Variants in DPP10 observed in about 807,000 individuals in gnomAD.
The protein encoded by DPP10 is inactive dipeptidyl peptidase 10.
Under a neutral mutation model 120.9 loss-of-function variants are expected in DPP10, and 33 were observed. The observed-to-expected ratio is 0.27, with a 90% CI of 0.21 to 0.37. DPP10 has a LOEUF of 0.37. DPP10 is among the 10% of genes least tolerant of loss of function. DPP10 has a pLI of 1.00. For missense variants in DPP10, 816 were observed against 942.8 expected (o/e 0.87, Z 1.76); for synonymous variants, 337 against 326.1 (o/e 1.03, Z -0.36).
chr2:114,819,561 G>T (rs747227354), intron 1 of DPP10, among the ~76,000 whole-genome samples: 19 of 152,126 alleles, frequency 1.2e-4, no homozygotes, highest in Non-Finnish European at 2.2e-4. Flanking sequence ...TTAGTTTTTG[G>T]CTCTTTAATT....
intron 1 of DPP10, among the ~76,000 whole-genome samples, chr2:114,564,786 G>A (rs1228964891): frequency 1.3e-5 from 2 of 152,154 alleles, no homozygotes; most frequent in Non-Finnish European, 2.9e-5. Context: ...TCTCAGGAAC[G>A]ATTTCTGTTC....
At chr2:115,694,532 A>C (rs2091480524) in intron 7 of DPP10, among the ~76,000 whole-genome samples, 1 of 152,188 alleles carries the variant, frequency 6.6e-6, no homozygotes, top group Non-Finnish European at 1.5e-5. Flanking sequence ...AACCTGAAGC[A>C]ATAAAGAGTG....
intron 1 of DPP10, among the ~76,000 whole-genome samples, chr2:115,114,475 A>T (rs149003390): frequency 6.6e-6 from 1 of 152,304 alleles, no homozygotes; most frequent in Non-Finnish European, 1.5e-5. Context: ...ATTAATGAAG[A>T]AAAAATTCTC....
intron 1 of DPP10, among the ~76,000 whole-genome samples, chr2:115,179,787 A>G (rs1298396447): frequency 6.6e-6 from 1 of 152,184 alleles, no homozygotes; most frequent in Non-Finnish European, 1.5e-5. Context: ...TAGTAATGGA[A>G]TTTAACAAAC....
At chr2:115,251,830 T>C (rs901338138) in intron 1 of DPP10, among the ~76,000 whole-genome samples, 1 of 152,208 alleles carries the variant, frequency 6.6e-6, no homozygotes, top group Non-Finnish European at 1.5e-5. Flanking sequence ...TGTATATTTA[T>C]AAAATATTCT....
intron 1 of DPP10, among the ~76,000 whole-genome samples, chr2:114,887,800 T>C (rs565279326): frequency 2.0e-5 from 3 of 152,312 alleles, no homozygotes; most frequent in Admixed American, 1.3e-4. Flanking sequence ...GGCCTGATCT[T>C]ACATTTGTCA....
At chr2:115,251,529 C>G (rs1171738959) in intron 1 of DPP10, among the ~76,000 whole-genome samples, 1 of 151,996 alleles carries the variant, frequency 6.6e-6, no homozygotes, top group Non-Finnish European at 1.5e-5. Context: ...CAACCCCTGT[C>G]TATAGGACCT....
chr2:115,527,248 A>G (rs968750942), intron 5 of DPP10, among the ~76,000 whole-genome samples: 1 of 152,086 alleles, frequency 6.6e-6, no homozygotes, highest in African/African-American at 2.4e-5. Context: ...ATTGTTGGCA[A>G]AGGTGCACAA....
chr2:114,479,420 A>AC (rs1553447860), intron 1 of DPP10, among the ~76,000 whole-genome samples: 2 of 151,970 alleles, frequency 1.3e-5, no homozygotes, highest in African/African-American at 4.8e-5. Flanking sequence ...TGAAAAAAAA[A>AC]CAGAACTATT....
At chr2:115,703,633 A>G (rs1459796281) in intron 7 of DPP10, among the ~76,000 whole-genome samples, 1 of 152,038 alleles carries the variant, frequency 6.6e-6, no homozygotes, top group Non-Finnish European at 1.5e-5. Context: ...TAAGGCCTTC[A>G]GCTGATTGGC....
At chr2:115,600,580 T>C (rs760147095) in intron 5 of DPP10, among the ~76,000 whole-genome samples, 2 of 152,246 alleles carry the variant, frequency 1.3e-5, no homozygotes, top group African/African-American at 2.4e-5. Context: ...AAAAGATTTC[T>C]GTTTGATTGC....
chr2:115,280,528 A>C (rs1409166929), intron 1 of DPP10, among the ~76,000 whole-genome samples: 2 of 152,216 alleles, frequency 1.3e-5, no homozygotes, highest in Admixed American at 1.3e-4. Context: ...CATGTTAAGC[A>C]GATAGATACT....
At chr2:115,609,596 A>G (rs1221405273) in intron 5 of DPP10, among the ~76,000 whole-genome samples, 1 of 152,074 alleles carries the variant, frequency 6.6e-6, no homozygotes, top group Non-Finnish European at 1.5e-5. Context: ...CCCCCACCAA[A>G]AACAAAAAAA....
chr2:115,372,196 A>T (rs996709337), intron 3 of DPP10, among the ~76,000 whole-genome samples: 1 of 152,186 alleles, frequency 6.6e-6, no homozygotes. Flanking sequence ...ATTATTCTCA[A>T]TATGAATTAT....
chr2:114,497,483 C>T (rs1039996956), intron 1 of DPP10, among the ~76,000 whole-genome samples: 1 of 141,654 alleles, frequency 7.1e-6, no homozygotes, highest in African/African-American at 3.1e-5. Flanking sequence ...AGAATAGGGT[C>T]AGTGGTGAAC....
At chr2:114,511,757 A>G (rs1684164928) in intron 1 of DPP10, among the ~76,000 whole-genome samples, 1 of 152,188 alleles carries the variant, frequency 6.6e-6, no homozygotes, top group Admixed American at 6.5e-5. Flanking sequence ...AAACCTTACA[A>G]TAGCTCAAAC....
At chr2:115,750,841 G>GT (rs1211140697) in intron 10 of DPP10, among the ~76,000 whole-genome samples, 1 of 152,044 alleles carries the variant, frequency 6.6e-6, no homozygotes, top group Non-Finnish European at 1.5e-5. Flanking sequence ...TTGCAAAGAT[G>GT]TTCTTGTAGC....
At chr2:115,368,587 T>C (rs1010443827) in intron 3 of DPP10, among the ~76,000 whole-genome samples, 6 of 151,988 alleles carry the variant, frequency 3.9e-5, no homozygotes, top group African/African-American at 1.2e-4. Context: ...AAATCACTAA[T>C]TCAAATTGAA....
At chr2:115,695,988 A>C (rs1040785174) in intron 7 of DPP10, among the ~76,000 whole-genome samples, 4 of 152,182 alleles carry the variant, frequency 2.6e-5, no homozygotes, top group Non-Finnish European at 5.9e-5. Context: ...TAGAGAGTCA[A>C]GATATACTTG....
Sources: allele counts gnomAD v4.1 joint callset (sites outside exome capture counted in the v4.1 genomes callset), GRCh38; gene constraint gnomAD v4.1.1; transcripts MANE v1.5; gene names NCBI Gene and HGNC (gene_info 2026-07-23, HGNC 2026-07-21).